The following SLC14A2 variants were observed in gnomAD, a reference collection of about 807,000 sequenced individuals.
The protein encoded by SLC14A2 is solute carrier family 14 member 2.
Under a neutral mutation model 104.6 loss-of-function variants are expected in SLC14A2, and 91 were observed. That is an observed-to-expected ratio of 0.87 (90% CI 0.73 to 1.04). The LOEUF (loss-of-function observed/expected upper bound fraction) is 1.04, where lower values mean the gene tolerates loss of function less well. Among genes scored for constraint, SLC14A2 ranks in the 50% least tolerant of loss-of-function variants. SLC14A2 has a pLI of 0.00. For missense variants in SLC14A2, 1,189 were observed against 1,156.0 expected (o/e 1.03, Z -0.41); for synonymous variants, 476 against 466.4 (o/e 1.02, Z -0.27).
chr18:45,423,714 A>G (rs143679118), intron 1 of SLC14A2: 1 of 152,324 alleles, frequency 6.6e-6, no homozygotes, highest in East Asian at 1.9e-4. Context: ...CATAAATATG[A>G]CATCCAGCAT....
At chr18:45,243,319 C>T (rs2084336296) in intron 1 of SLC14A2, among the ~76,000 whole-genome samples, 1 of 152,124 alleles carries the variant, frequency 6.6e-6, no homozygotes, top group Non-Finnish European at 1.5e-5. Flanking sequence ...ATAATTAATC[C>T]TAACAATAGT....
At chr18:45,490,182 C>T (rs1177440135) in intron 2 of SLC14A2, among the ~76,000 whole-genome samples, 1 of 152,136 alleles carries the variant, frequency 6.6e-6, no homozygotes, top group East Asian at 1.9e-4. Context: ...TTGAAAAAGA[C>T]TGACTATGAA....
At chr18:45,643,109 T>C in intron 8 of SLC14A2, 23 bp from the exon 9 acceptor site, 1 of 1,613,760 alleles carries the variant, frequency 6.2e-7, no homozygotes, top group Admixed American at 1.7e-5. Context: ...AAGCTCACTC[T>C]GGTGATCCTT....
Position 45,668,020 on chromosome 18 carries a change from CAAGT to C in SLC14A2, c.1907+3_1907+6del. The C allele has an allele frequency of 3.1e-6, 5 of 1,613,924 alleles. No homozygotes were observed. The highest frequency in any genetic ancestry group is 2.2e-5 in the South Asian group (2 of 91,074). Reference sequence around the variant, plus strand: ...TGACAGCCCTCATCCTGAGTCAGGACAAGTAAGTCCCAGAGGCTCAGGGTCCAAA... The same window carrying C: ...TGACAGCCCTCATCCTGAGTCAGGACAAGTCCCAGAGGCTCAGGGTCCAAA... On this transcript the variant is annotated splice_donor_variant and coding_sequence_variant, in exon 14 of 20. Coordinates refer to ENST00000255226, the MANE Select transcript of SLC14A2 (RefSeq NM_007163.4). LOFTEE classifies it high-confidence loss of function.
intron 1 of SLC14A2, among the ~76,000 whole-genome samples, chr18:45,376,902 T>C (rs931378578): frequency 1.3e-5 from 2 of 152,214 alleles, no homozygotes; most frequent in African/African-American, 4.8e-5. Context: ...CACCTCTTAC[T>C]TTCTACCCAT....
At chr18:45,294,402 G>A (rs1296422603) in intron 1 of SLC14A2, among the ~76,000 whole-genome samples, 1 of 152,076 alleles carries the variant, frequency 6.6e-6, no homozygotes, top group Non-Finnish European at 1.5e-5. Flanking sequence ...GTGAATATTA[G>A]CTAGTATTAA....
chr18:45,445,561 C>G (rs1166503180), intron 1 of SLC14A2, among the ~76,000 whole-genome samples: 1 of 152,192 alleles, frequency 6.6e-6, no homozygotes, highest in African/African-American at 2.4e-5. Flanking sequence ...CCCAATCTCT[C>G]TCTGCTTGTT....
intron 1 of SLC14A2, among the ~76,000 whole-genome samples, chr18:45,280,290 A>C (rs187107896): frequency 6.6e-6 from 1 of 152,170 alleles, no homozygotes; most frequent in Non-Finnish European, 1.5e-5. Flanking sequence ...AAGACCCCTG[A>C]GGAGTCTGGG....
intron 1 of SLC14A2, among the ~76,000 whole-genome samples, chr18:45,261,651 A>T (rs566318763): frequency 6.6e-6 from 1 of 152,002 alleles, no homozygotes; most frequent in Admixed American, 6.5e-5. Flanking sequence ...AAGTGAGAAC[A>T]TGCGGTGTTT....
At chr18:45,242,055 TCA>T (rs1342944668) in intron 1 of SLC14A2, among the ~76,000 whole-genome samples, 5 of 152,292 alleles carry the variant, frequency 3.3e-5, no homozygotes, top group African/African-American at 1.2e-4. Flanking sequence ...GGACAGTGTT[TCA>T]GAGCACTTTA....
At chr18:45,235,096 ATTC>A (rs2084212071) in intron 1 of SLC14A2, among the ~76,000 whole-genome samples, 1 of 152,258 alleles carries the variant, frequency 6.6e-6, no homozygotes, top group African/African-American at 2.4e-5. Flanking sequence ...CAAACAAGTA[ATTC>A]TTCTAATCAG....
chr18:45,288,934 A>G (rs556566006), intron 1 of SLC14A2, among the ~76,000 whole-genome samples: 1 of 152,332 alleles, frequency 6.6e-6, no homozygotes, highest in Admixed American at 6.5e-5. Flanking sequence ...AACTCATGTT[A>G]AACGTAAATG....
chr18:45,224,022 A>C (rs1352210089), intron 1 of SLC14A2, among the ~76,000 whole-genome samples: 1 of 152,234 alleles, frequency 6.6e-6, no homozygotes, highest in African/African-American at 2.4e-5. Context: ...TAATAAGAGC[A>C]TGTTTTCATC....
At chr18:45,615,443 T>C (rs577669265), upstream of SLC14A2, 6 of 152,264 alleles carry the variant, frequency 3.9e-5, no homozygotes, top group Admixed American at 3.9e-4. Context: ...CAAGATCTGA[T>C]GGTTTTATAA....
chr18:45,447,895 G>A (rs2086795813), intron 1 of SLC14A2, among the ~76,000 whole-genome samples: 1 of 152,178 alleles, frequency 6.6e-6, no homozygotes, highest in Non-Finnish European at 1.5e-5. Context: ...CCACTTCAGT[G>A]AGCCCTGCTT....
At chr18:45,479,907 G>A (rs2087460068) in intron 1 of SLC14A2, among the ~76,000 whole-genome samples, 1 of 152,156 alleles carries the variant, frequency 6.6e-6, no homozygotes, top group Admixed American at 6.6e-5. Flanking sequence ...ATGGAACATT[G>A]CAAGACGTGA....
chr18:45,207,727 C>T, the SLC14A2 span, among the ~76,000 whole-genome samples: 1 of 152,090 alleles, frequency 6.6e-6, no homozygotes, highest in Admixed American at 6.5e-5. Context: ...AACACACAGA[C>T]ATAGGGGAAT....
chr18:45,541,719 A>C (rs1476382135), intron 2 of SLC14A2, among the ~76,000 whole-genome samples: 1 of 152,240 alleles, frequency 6.6e-6, no homozygotes, highest in Non-Finnish European at 1.5e-5. Flanking sequence ...CTAGATGTTC[A>C]AATCTGAACA....
At position 45,683,292 on chromosome 18, in the gene SLC14A2, C is replaced by T. The variant is rs1332489236; in HGVS notation, c.*773C>T. ...TGAGCAAGTCTTTCCCCACTCTCCA[C>T]CTCCATTTCTTAATCAGTTTCATGA... On this transcript the variant is annotated 3_prime_UTR_variant, in exon 20 of 20. Coordinates refer to ENST00000255226, the MANE Select transcript of SLC14A2 (RefSeq NM_007163.4). The T allele has an allele frequency of 6.6e-6, 1 of 152,204 alleles. No individual in the cohort carries two copies. The highest frequency in any genetic ancestry group is 1.5e-5 in the Non-Finnish European group (1 of 68,056). The allele number at this position is 152,204 out of a possible 1,614,324, so 9.4% of individuals were successfully genotyped here.
Sources: allele counts gnomAD v4.1 joint callset (sites outside exome capture counted in the v4.1 genomes callset), GRCh38; gene constraint gnomAD v4.1.1; transcripts MANE v1.5; gene names NCBI Gene and HGNC (gene_info 2026-07-23, HGNC 2026-07-21).